RELN: variants seen among roughly 807,000 people sequenced by gnomAD.
RELN encodes the protein reelin.
A neutral mutation model predicts 427.6 loss-of-function variants in RELN; 108 were observed. That is an observed-to-expected ratio of 0.25 (90% CI 0.22 to 0.30). RELN has a LOEUF of 0.30. Ranked by LOEUF, RELN falls within the 10% of genes least tolerant of loss-of-function variation. RELN has a pLI of 1.00. For synonymous variants in RELN, 1,524 were observed against 1,513.4 expected (o/e 1.01, Z -0.16); for missense variants, 3,715 against 4,302.8 (o/e 0.86, Z 3.82).
chr7:103,868,216 C>G (rs140784644), intron 2 of RELN, among the ~76,000 whole-genome samples: 1 of 151,952 alleles, frequency 6.6e-6, no homozygotes, highest in African/African-American at 2.4e-5. Flanking sequence ...TATTGGGAAC[C>G]AATTTGGAAA....
intron 2 of RELN, among the ~76,000 whole-genome samples, chr7:103,886,495 T>C (rs940318822): frequency 6.6e-6 from 1 of 152,202 alleles, no homozygotes; most frequent in Non-Finnish European, 1.5e-5. Flanking sequence ...ATCAAGGGAT[T>C]ATCTTTCATG....
intron 3 of RELN, among the ~76,000 whole-genome samples, chr7:103,814,404 T>C (rs34581026): frequency 0.023 from 3,469 of 152,344 alleles, 65 homozygotes; most frequent in Non-Finnish European, 0.037. Context: ...GATTGAATTC[T>C]AGTTAGTGCT....
At chr7:103,645,183 AT>A (rs1832774045) in intron 16 of RELN, among the ~76,000 whole-genome samples, 1 of 151,860 alleles carries the variant, frequency 6.6e-6, no homozygotes, top group South Asian at 2.1e-4. Context: ...AAATGACAGT[AT>A]AAAACTCACA....
intron 3 of RELN, among the ~76,000 whole-genome samples, chr7:103,791,154 A>G (rs1792152881): frequency 1.3e-5 from 2 of 152,194 alleles, no homozygotes; most frequent in African/African-American, 4.8e-5. Flanking sequence ...ATGACTTAGA[A>G]GGTGAACTCT....
At chr7:103,896,606 G>A (rs907202607) in intron 2 of RELN, among the ~76,000 whole-genome samples, 13 of 152,032 alleles carry the variant, frequency 8.6e-5, no homozygotes, top group African/African-American at 2.9e-4. Context: ...AGTGGGGTGA[G>A]AGGTGACAGA....
intron 1 of RELN, among the ~76,000 whole-genome samples, chr7:103,926,626 A>AGTTT (rs1563095201): frequency 2.0e-4 from 24 of 120,466 alleles, no homozygotes; most frequent in African/African-American, 7.2e-4. Context: ...AAGTATCATA[A>AGTTT]GTTTTTTTTT....
intron 2 of RELN, among the ~76,000 whole-genome samples, chr7:103,875,898 G>A (rs1002392778): frequency 5.3e-5 from 8 of 152,034 alleles, no homozygotes; most frequent in African/African-American, 1.9e-4. Flanking sequence ...GATTCAAGAG[G>A]CTTAGGGCAT....
intron 41 of RELN, among the ~76,000 whole-genome samples, chr7:103,546,756 ATGTT>A (rs1281845409): frequency 2.6e-4 from 39 of 152,192 alleles, no homozygotes; most frequent in Non-Finnish European, 4.0e-4. Context: ...TGCTCAGTAA[ATGTT>A]TGTGGCATGT....
chr7:103,965,758 CAA>C, intron 1 of RELN, among the ~76,000 whole-genome samples: 1 of 152,158 alleles, frequency 6.6e-6, no homozygotes, highest in East Asian at 1.9e-4. Context: ...TTGTTTCATA[CAA>C]AAGTCTAGAG....
chr7:103,589,072 C>T (rs1387260412), intron 28 of RELN, among the ~76,000 whole-genome samples: 1 of 152,156 alleles, frequency 6.6e-6, no homozygotes, highest in East Asian at 1.9e-4. Flanking sequence ...AAGGGAGAGA[C>T]ATCTTTTTCA....
chr7:103,792,984 A>G (rs1057154841), intron 3 of RELN, among the ~76,000 whole-genome samples: 1 of 152,176 alleles, frequency 6.6e-6, no homozygotes, highest in Non-Finnish European at 1.5e-5. Flanking sequence ...GAACAAAACT[A>G]AATTAGTATT....
At chr7:103,562,738 G>A (rs1370286067) in intron 34 of RELN, among the ~76,000 whole-genome samples, 2 of 152,206 alleles carry the variant, frequency 1.3e-5, no homozygotes, top group African/African-American at 4.8e-5. Context: ...CTCCATGGAT[G>A]TGACACAGCT....
chr7:103,757,638 A>C (rs889093543), intron 4 of RELN, among the ~76,000 whole-genome samples: 2 of 152,180 alleles, frequency 1.3e-5, no homozygotes, highest in Admixed American at 6.5e-5. Flanking sequence ...TACACCTTTA[A>C]CAGAAGTGTA....
At chr7:103,795,857 C>G (rs1046897219) in intron 3 of RELN, among the ~76,000 whole-genome samples, 2 of 152,208 alleles carry the variant, frequency 1.3e-5, no homozygotes, top group African/African-American at 4.8e-5. Context: ...CATTTTGACA[C>G]AGCTAGGGCT....
intron 28 of RELN, among the ~76,000 whole-genome samples, chr7:103,588,897 A>G (rs1282576387): frequency 2.6e-5 from 4 of 152,220 alleles, no homozygotes; most frequent in Non-Finnish European, 4.4e-5. Context: ...TTGATGTGCT[A>G]TATCTTCACA....
intron 16 of RELN, among the ~76,000 whole-genome samples, chr7:103,649,586 TAGAA>T (rs1832869584): frequency 6.6e-6 from 1 of 151,840 alleles, no homozygotes; most frequent in Admixed American, 6.6e-5. Flanking sequence ...AAAATAAAAA[TAGAA>T]AGACAAAAAC....
chr7:103,911,443 T>G (rs1165811763), intron 2 of RELN, among the ~76,000 whole-genome samples: 1 of 136,648 alleles, frequency 7.3e-6, no homozygotes, highest in African/African-American at 2.9e-5. Flanking sequence ...GAAGTCAGTG[T>G]GGCGATTCCT....
intron 6 of RELN, among the ~76,000 whole-genome samples, chr7:103,729,609 G>A (rs1169644650): frequency 6.6e-6 from 1 of 152,042 alleles, no homozygotes; most frequent in Non-Finnish European, 1.5e-5. Context: ...TCTTCCCTTG[G>A]TTACTGTGAA....
At chr7:103,986,283 T>C (rs911338098) in intron 1 of RELN, among the ~76,000 whole-genome samples, 2 of 152,182 alleles carry the variant, frequency 1.3e-5, no homozygotes, top group African/African-American at 2.4e-5. Context: ...ACACACCAGA[T>C]GTAACCATGC....
Sources: gnomAD v4.1 joint callset for allele counts (sites outside exome capture counted in the v4.1 genomes callset) on GRCh38, gnomAD v4.1.1 for gene constraint, MANE v1.5 for transcripts, NCBI Gene and HGNC (gene_info 2026-07-23, HGNC 2026-07-21) for gene names.